CIB4: variants seen among roughly 807,000 people sequenced by gnomAD.
CIB4 encodes the protein calcium and integrin binding family member 4, also known as calcium and integrin-binding family member 4.
CIB4 carries 25 observed loss-of-function variants against 25.8 expected under a neutral mutation model. The observed-to-expected ratio is 0.97, with a 90% CI of 0.71 to 1.35. CIB4 has a LOEUF of 1.35. Among genes scored for constraint, CIB4 ranks in the 40% most tolerant of loss-of-function variants. The pLI, the probability that CIB4 is intolerant of heterozygous loss-of-function variation, is 0.00. For missense variants in CIB4, 235 were observed against 228.2 expected (o/e 1.03, Z -0.19); for synonymous variants, 75 against 81.4 (o/e 0.92, Z 0.42).
chr2:26,597,553 T>A (rs11674058), intron 3 of CIB4, among the ~76,000 whole-genome samples: 16,746 of 152,206 alleles, frequency 0.11, 1,015 homozygotes, highest in Middle Eastern at 0.17. Flanking sequence ...TTATTAGCTA[T>A]ATGTAAACAA....
chr2:26,619,242 G>C (rs979379632), intron 3 of CIB4, among the ~76,000 whole-genome samples: 2 of 152,136 alleles, frequency 1.3e-5, no homozygotes, highest in South Asian at 4.1e-4. Context: ...CTCCCCACAG[G>C]GCCCTCCCCG....
At chr2:26,588,996 C>A (rs1214303677) in intron 4 of CIB4, among the ~76,000 whole-genome samples, 1 of 8,960 alleles carries the variant, frequency 1.1e-4, no homozygotes. Context: ...TCTTCTTCTT[C>A]TTCTTCTTCT....
At chr2:26,584,951 G>A (rs896781387) in intron 4 of CIB4, among the ~76,000 whole-genome samples, 6 of 152,202 alleles carry the variant, frequency 3.9e-5, no homozygotes, top group Admixed American at 6.5e-5. Context: ...GCTCAGAAGT[G>A]CCCACCCACC....
At chr2:26,596,696 G>A (rs1350085016) in intron 3 of CIB4, among the ~76,000 whole-genome samples, 14 of 151,350 alleles carry the variant, frequency 9.3e-5, no homozygotes, top group African/African-American at 2.9e-4. Flanking sequence ...GCAGTGAGCC[G>A]AGATTGCGCC....
chr2:26,593,023 G>T (rs1338995552), intron 4 of CIB4, among the ~76,000 whole-genome samples: 1 of 152,186 alleles, frequency 6.6e-6, no homozygotes, highest in Non-Finnish European at 1.5e-5. Context: ...GAGTAAAGAT[G>T]ATCTGTCCTC....
chr2:26,588,203 C>T (rs753929408), intron 4 of CIB4, among the ~76,000 whole-genome samples: 42 of 152,230 alleles, frequency 2.8e-4, no homozygotes, highest in Non-Finnish European at 5.1e-4. Context: ...AGAGACCCTG[C>T]GGTGTCCCCA....
intron 2 of CIB4, among the ~76,000 whole-genome samples, chr2:26,634,124 G>T (rs533304774): frequency 6.6e-6 from 1 of 152,100 alleles, no homozygotes; most frequent in African/African-American, 2.4e-5. Flanking sequence ...TCAAGGCCAG[G>T]ATAGAGCCCG....
rs755889564 is a variant in CIB4 at position 26,641,362 on chromosome 2, G to A, written c.-48C>T. ...CCAGCAGTAGAACCTCAGCCTCAAG[G>A]ACTCGCCAGCTGAGGCACCTCGTTG... On this transcript the variant is annotated 5_prime_UTR_variant, in exon 1 of 7. Coordinates refer to ENST00000288861, the MANE Select transcript of CIB4 (RefSeq NM_001029881.3). 3 of 1,529,084 alleles carry A rather than the reference G, an allele frequency of 2.0e-6. No individual in the cohort carries two copies. Among genetic ancestry groups the A allele is most frequent in the South Asian group, 2.2e-5 (2 of 89,450 alleles). 94.7% of individuals were successfully genotyped at this position (1,529,084 alleles called of 1,614,324 possible).
intron 3 of CIB4, among the ~76,000 whole-genome samples, chr2:26,603,577 A>C (rs1162592252): frequency 1.3e-5 from 2 of 152,228 alleles, no homozygotes; most frequent in Admixed American, 1.3e-4. Context: ...AACAAAACTC[A>C]GTAACATTTA....
intron 1 of CIB4, among the ~76,000 whole-genome samples, 186 bp downstream of exon 1, chr2:26,641,075 T>G (rs1185195866): frequency 1.3e-5 from 2 of 152,156 alleles, no homozygotes; most frequent in African/African-American, 4.8e-5. Flanking sequence ...TTTTATTAGC[T>G]CATCAGCAAG....
intron 3 of CIB4, among the ~76,000 whole-genome samples, chr2:26,599,320 T>A (rs1187045172): frequency 6.6e-6 from 1 of 152,126 alleles, no homozygotes; most frequent in Non-Finnish European, 1.5e-5. Context: ...TTCTGGGAGT[T>A]TTTTTGGAAA....
chr2:26,605,593 A>G lies in CIB4; in HGVS notation c.187-10276T>C, dbSNP rs541888312. 163 of 470,592 alleles carry G rather than the reference A, an allele frequency of 3.5e-4. 1 individual carries two copies. Among genetic ancestry groups the G allele is most frequent in the Middle Eastern group, 1.6e-3 (5 of 3,076 alleles). The allele number at this position is 470,592 out of a possible 1,614,324, so 29.2% of individuals were successfully genotyped here. On this transcript the variant is annotated intron_variant, in intron 3 of 6. Coordinates refer to ENST00000288861, the MANE Select transcript of CIB4 (RefSeq NM_001029881.3). Reference sequence around the variant, plus strand: ...GAATTCCTAGTTCTGGGTCTGAACCAGGATTCACCCTTCAGCACTAGAGTA... The same window carrying G: ...GAATTCCTAGTTCTGGGTCTGAACCGGGATTCACCCTTCAGCACTAGAGTA...
intron 6 of CIB4, 87 bp from the exon 7 acceptor site, chr2:26,581,480 C>A: frequency 7.6e-7 from 1 of 1,313,220 alleles, no homozygotes; most frequent in African/African-American, 1.4e-5. Context: ...CTGGAGGCTC[C>A]CTCCCCGGCC....
intron 2 of CIB4, among the ~76,000 whole-genome samples, chr2:26,638,917 A>G (rs968794256): frequency 6.6e-6 from 1 of 151,688 alleles, no homozygotes; most frequent in Non-Finnish European, 1.5e-5. Context: ...GCACCACTGC[A>G]CTCTAGCCTG....
chr2:26,604,400 G>A (rs1051558774), intron 3 of CIB4, among the ~76,000 whole-genome samples: 5 of 151,856 alleles, frequency 3.3e-5, no homozygotes, highest in African/African-American at 1.2e-4. Flanking sequence ...ATAAAAAGAA[G>A]AAGAAAAATC....
Position 26,627,808 on chromosome 2 carries a change from G to A in CIB4, c.186+1602C>T, listed in dbSNP as rs1669337220. On this transcript the variant is annotated intron_variant, in intron 3 of 6. Transcript: ENST00000288861. The surrounding 1 kb of genome is among the most constrained non-coding windows in gnomAD (Gnocchi z 4.0). ...TCATTATTTTGTCTTCTCCACTCCT[G>A]CCTCTATTTCAAGACCCAGCTTTGT... Among the ~76,000 whole-genome samples, 1 of 148,232 alleles carries A rather than the reference G, an allele frequency of 6.7e-6. No homozygotes were observed. The highest frequency in any genetic ancestry group is 6.8e-5 in the Admixed American group (1 of 14,700).
chr2:26,608,694 C>T (rs777800595), intron 3 of CIB4, among the ~76,000 whole-genome samples: 21 of 152,254 alleles, frequency 1.4e-4, no homozygotes, highest in Non-Finnish European at 2.8e-4. Context: ...TGGTGTGAAG[C>T]GCAGACCACA....
intron 3 of CIB4, among the ~76,000 whole-genome samples, chr2:26,620,633 G>T (rs1052029920): frequency 6.6e-6 from 1 of 152,110 alleles, no homozygotes; most frequent in Non-Finnish European, 1.5e-5. Context: ...TCCTCAAAAT[G>T]ACCCCTCAGA....
chr2:26,584,040 C>T (rs753480746), intron 4 of CIB4, 142 bp from the exon 5 acceptor site: 51 of 614,678 alleles, frequency 8.3e-5, no homozygotes, highest in Non-Finnish European at 1.4e-4. Flanking sequence ...GAGCCCAACT[C>T]TCCCAGGTGG....
Sources: gnomAD v4.1 joint callset for allele counts (sites outside exome capture counted in the v4.1 genomes callset) on GRCh38, gnomAD v4.1.1 for gene constraint, Gnocchi (gnomAD v3.1) non-coding constraint, MANE v1.5 for transcripts, NCBI Gene and HGNC (gene_info 2026-07-23, HGNC 2026-07-21) for gene names.